Variants in NPAT observed in about 807,000 individuals in gnomAD.
NPAT encodes the protein protein NPAT.
Under a neutral mutation model 130.7 loss-of-function variants are expected in NPAT, and 52 were observed. The observed-to-expected ratio is 0.40, with a 90% CI of 0.32 to 0.50. NPAT has a LOEUF of 0.50. Ranked by LOEUF, NPAT falls within the 20% of genes least tolerant of loss-of-function variation. The pLI is 0.68. For missense variants in NPAT, 1,687 were observed against 1,662.6 expected (o/e 1.01, Z -0.26); for synonymous variants, 580 against 584.8 (o/e 0.99, Z 0.12).
chr11:108,222,332 TAAACTG>T (rs1439949430), intron 1 of NPAT, among the ~76,000 whole-genome samples, 162 bp downstream of exon 1: 1 of 152,098 alleles, frequency 6.6e-6, no homozygotes, highest in Non-Finnish European at 1.5e-5. Flanking sequence ...CAAAGAGGCT[TAAACTG>T]CCCAGAACCT....
In NPAT at chr11:108,193,957, CT is replaced by C. The variant is rs768501976; in HGVS notation, c.216del (p.Glu73LysfsTer9). 3 of 1,554,116 alleles carry C rather than the reference CT, an allele frequency of 1.9e-6. No homozygotes were observed. The highest frequency in any genetic ancestry group is 1.1e-5 in the South Asian group (1 of 89,580). Reference sequence around the variant, plus strand: ...AAAAACTCCAAATCAGAACTCTTACCTTTTGTTTTCATAGCTACATACTCAT... The same window carrying C: ...AAAAACTCCAAATCAGAACTCTTACCTTTGTTTTCATAGCTACATACTCAT... ...ILNEYVAMKT[K>X]ETSNNVPAIM... On this transcript the variant is annotated frameshift_variant and splice_region_variant, in exon 3 of 18. Transcript: ENST00000278612. LOFTEE classifies it high-confidence loss of function.
At chr11:108,165,588 T>G (rs2077895055) in intron 15 of NPAT, among the ~76,000 whole-genome samples, 1 of 148,610 alleles carries the variant, frequency 6.7e-6, no homozygotes, top group South Asian at 2.1e-4. Context: ...CCTCAGCATC[T>G]CAAGTAGCTG....
At chr11:108,196,032 T>C (rs543268164) in intron 2 of NPAT, among the ~76,000 whole-genome samples, 26 of 152,376 alleles carry the variant, frequency 1.7e-4, no homozygotes, top group Middle Eastern at 3.4e-3. Context: ...TGGTGTCATA[T>C]ATAAAACTCA....
At chr11:108,169,211 C>A (rs765471043) in intron 15 of NPAT, among the ~76,000 whole-genome samples, 60 of 152,104 alleles carry the variant, frequency 3.9e-4, no homozygotes, top group Middle Eastern at 3.2e-3. Flanking sequence ...GGGACAATGG[C>A]TAAAACAGGG....
At chr11:108,197,753 C>T (rs1383578155) in intron 1 of NPAT, among the ~76,000 whole-genome samples, 1 of 152,134 alleles carries the variant, frequency 6.6e-6, no homozygotes, top group East Asian at 1.9e-4. Flanking sequence ...CCATAAAGAC[C>T]AAGTCAGTTG....
intron 1 of NPAT, among the ~76,000 whole-genome samples, chr11:108,199,417 G>A (rs1221623667): frequency 1.3e-5 from 2 of 152,242 alleles, no homozygotes; most frequent in Non-Finnish European, 2.9e-5. Flanking sequence ...CGAGGCCCAG[G>A]CAGGCGCGCC....
At chr11:108,200,603 C>A (rs2078266548) in intron 1 of NPAT, among the ~76,000 whole-genome samples, 2 of 152,176 alleles carry the variant, frequency 1.3e-5, no homozygotes, top group African/African-American at 4.8e-5. Flanking sequence ...CTTCTCTAAC[C>A]AGAGACAATA....
intron 1 of NPAT, among the ~76,000 whole-genome samples, chr11:108,220,672 A>G (rs2078476616): frequency 6.6e-6 from 1 of 152,228 alleles, no homozygotes; most frequent in African/African-American, 2.4e-5. Context: ...ATATGTATCT[A>G]TTTAAGATGT....
Position 108,185,086 on chromosome 11 carries a change from T to A in NPAT, c.906+146A>T, listed in dbSNP as rs142719662. 5.3e-3 allele frequency: 3,694 copies of A among 701,486 alleles called. 25 individuals are homozygous for A. The highest frequency in any genetic ancestry group is 7.3e-3 in the Non-Finnish European group (2,812 of 386,628). 43.5% of individuals were successfully genotyped at this position (701,486 alleles called of 1,614,324 possible). ...ATTCAATGAATGAAGAAAAGTTTTA[T>A]CTTACTATTGTAAATCATTTTATCT... On this transcript the variant is annotated intron_variant, in intron 10 of 17. Coordinates refer to ENST00000278612, the MANE Select transcript of NPAT (RefSeq NM_002519.3).
intron 10 of NPAT, among the ~76,000 whole-genome samples, chr11:108,181,114 C>A (rs543266624): frequency 6.6e-6 from 1 of 152,302 alleles, no homozygotes; most frequent in East Asian, 1.9e-4. Flanking sequence ...GAAGTCCCAA[C>A]CTCAACAGGA....
chr11:108,205,012 T>C (rs2078312134), intron 1 of NPAT, among the ~76,000 whole-genome samples: 1 of 152,184 alleles, frequency 6.6e-6, no homozygotes, highest in Non-Finnish European at 1.5e-5. Context: ...AGCTCAACAG[T>C]CTCTAAGTAG....
chr11:108,200,790 C>T (rs1198615951), intron 1 of NPAT, among the ~76,000 whole-genome samples: 1 of 152,160 alleles, frequency 6.6e-6, no homozygotes, highest in African/African-American at 2.4e-5. Context: ...GCTGTGGTTC[C>T]AATCCATATG....
intron 2 of NPAT, among the ~76,000 whole-genome samples, chr11:108,194,820 T>C (rs970231045): frequency 1.3e-5 from 2 of 151,176 alleles, no homozygotes; most frequent in African/African-American, 2.4e-5. Flanking sequence ...TGGCCTGTTT[T>C]CAGTATTTTT....
At chr11:108,195,165 GTT>G (rs942749712) in intron 2 of NPAT, among the ~76,000 whole-genome samples, 5 of 152,128 alleles carry the variant, frequency 3.3e-5, no homozygotes, top group Admixed American at 3.3e-4. Flanking sequence ...CAGTGTCTAG[GTT>G]TTTCTGTGAG....
intron 17 of NPAT, among the ~76,000 whole-genome samples, chr11:108,159,226 T>C (rs1319611619): frequency 6.6e-6 from 1 of 152,174 alleles, no homozygotes; most frequent in African/African-American, 2.4e-5. Context: ...GGCACCTGAA[T>C]GTTAGTTTAT....
intron 10 of NPAT, among the ~76,000 whole-genome samples, chr11:108,182,583 C>T (rs185387215): frequency 1.3e-5 from 2 of 152,370 alleles, no homozygotes; most frequent in East Asian, 3.9e-4. Context: ...CTGCAAACTC[C>T]GCCTCCCGGG....
intron 7 of NPAT, 112 bp from the exon 8 acceptor site, chr11:108,186,681 G>A: frequency 2.3e-6 from 2 of 888,634 alleles, no homozygotes; most frequent in Non-Finnish European, 3.6e-6. Context: ...AGATACAGTT[G>A]TCCCTGTATC....
At chr11:108,162,075 T>A in intron 16 of NPAT, 45 bp downstream of exon 16, 1 of 1,611,318 alleles carries the variant, frequency 6.2e-7, no homozygotes, top group Non-Finnish European at 8.5e-7. Context: ...ATGTTTTAAA[T>A]CTGAGCATTC....
chr11:108,177,710 TA>T (rs2078022301), intron 10 of NPAT, among the ~76,000 whole-genome samples: 1 of 116,054 alleles, frequency 8.6e-6, no homozygotes, highest in Non-Finnish European at 2.0e-5. Context: ...AATCATACTA[TA>T]AAGTTCCCTT....
Sources: allele counts gnomAD v4.1 joint callset (sites outside exome capture counted in the v4.1 genomes callset), GRCh38; gene constraint gnomAD v4.1.1; transcripts MANE v1.5; gene names NCBI Gene and HGNC (gene_info 2026-07-23, HGNC 2026-07-21).